The following RSPO3 variants were observed in gnomAD, a reference collection of about 807,000 sequenced individuals.
RSPO3 encodes the protein R-spondin-3.
Under a neutral mutation model 36.5 loss-of-function variants are expected in RSPO3, and 17 were observed. The observed-to-expected ratio is 0.47, with a 90% CI of 0.32 to 0.70. The LOEUF is 0.70. Ranked by LOEUF, RSPO3 falls within the 30% of genes least tolerant of loss-of-function variation. The pLI is 0.04. For missense variants in RSPO3, 294 were observed against 322.5 expected (o/e 0.91, Z 0.68); for synonymous variants, 108 against 107.0 (o/e 1.01, Z -0.06).
intron 1 of RSPO3, among the ~76,000 whole-genome samples, chr6:127,146,276 C>T (rs1774382551): frequency 6.7e-6 from 1 of 150,134 alleles, no homozygotes; most frequent in South Asian, 2.1e-4. Flanking sequence ...TTTTAAAAAC[C>T]CTTGCCTAGG....
chr6:127,178,650 T>C (rs1001064501), intron 4 of RSPO3, among the ~76,000 whole-genome samples: 2 of 151,752 alleles, frequency 1.3e-5, no homozygotes, highest in African/African-American at 4.8e-5. Context: ...GTATATAAAA[T>C]ATATTGTTCT....
At chr6:127,145,588 T>C (rs1189952799) in intron 1 of RSPO3, among the ~76,000 whole-genome samples, 1 of 152,140 alleles carries the variant, frequency 6.6e-6, no homozygotes, top group Non-Finnish European at 1.5e-5. Flanking sequence ...CTCATGCCAG[T>C]CTCCTTCCCA....
At chr6:127,193,758 G>A (rs1323520719) in intron 4 of RSPO3, among the ~76,000 whole-genome samples, 1 of 152,096 alleles carries the variant, frequency 6.6e-6, no homozygotes, top group African/African-American at 2.4e-5. Flanking sequence ...ATTCAAGTCA[G>A]CACATCAAAT....
rs915898017 is a variant in RSPO3, at chr6:127,125,374, G to A, written c.97+6085G>A. On this transcript the variant is annotated intron_variant, in intron 1 of 4. Transcript: ENST00000356698. ...CCTTAGTGTATGTTGGGAGAAGGTA[G>A]ACTCAGAAGTTAAAGACCTGGGTTC... is the stretch of plus-strand genomic sequence containing the variant. Among the ~76,000 whole-genome samples, 3 of 152,168 alleles carry A rather than the reference G, an allele frequency of 2.0e-5. No individual in the cohort carries two copies. The East Asian group carries it at 5.8e-4, about 29-fold the overall frequency.
rs149952090 is a variant in RSPO3 at position 127,190,489 on chromosome 6, A to G, written c.635-5334A>G. On this transcript the variant is annotated intron_variant, in intron 4 of 4. Transcript: ENST00000356698. Reference sequence around the variant, plus strand: ...CTGGAATTTTCATTCTCTATACATAATAATCAGGTCCAATTCCAGATTCAA... The same window carrying G: ...CTGGAATTTTCATTCTCTATACATAGTAATCAGGTCCAATTCCAGATTCAA... 1.4e-3 allele frequency among the ~76,000 whole-genome samples: 219 copies of G among 152,272 alleles called. 1 individual carries two copies. Among genetic ancestry groups the G allele is most frequent in the Non-Finnish European group, 2.1e-3 (143 of 68,026 alleles).
At chr6:127,123,195 T>C (rs1773878340) in intron 1 of RSPO3, among the ~76,000 whole-genome samples, 1 of 152,168 alleles carries the variant, frequency 6.6e-6, no homozygotes, top group South Asian at 2.1e-4. Flanking sequence ...CCCTTTGTGA[T>C]TATGTTGTGA....
chr6:127,182,025 G>A (rs2114633618), intron 4 of RSPO3, among the ~76,000 whole-genome samples: 1 of 152,014 alleles, frequency 6.6e-6, no homozygotes, highest in Admixed American at 6.6e-5. Context: ...AGAAGGAAAA[G>A]GGGAACTGGC....
rs1375216570 is a variant in RSPO3 at position 127,148,704 on chromosome 6, A to G, written c.154A>G (p.Asn52Asp). The G allele has an allele frequency of 6.2e-7, 1 of 1,613,288 alleles. No homozygotes were observed. Among genetic ancestry groups the G allele is most frequent in the Non-Finnish European group, 8.5e-7 (1 of 1,179,478 alleles). ...AGGCTGTGCAACATGCTCAGATTAC[A>G]ATGGATGTTTGTCATGTAAGCCCAG... ...QGGCATCSDY[N>D]GCLSCKPRLF... Residue 52 changes from asparagine to aspartate, a missense_variant, in exon 2 of 5, where the codon AAT (asparagine) becomes GAT (aspartate). Asn to Asp is a conservative substitution (Grantham distance 23). This residue lies in a region of RSPO3 where 43 missense variants were observed against 86.0 expected (regional missense o/e 0.50). Coordinates refer to ENST00000356698, the MANE Select transcript of RSPO3 (RefSeq NM_032784.5).
rs543027573 is a variant in RSPO3, at chr6:127,162,199, T to C, written c.634+6761T>C. Among the ~76,000 whole-genome samples, 4 of 152,280 alleles carry C rather than the reference T, an allele frequency of 2.6e-5. No individual in the cohort carries two copies. The South Asian group carries it at 8.3e-4, about 32-fold the overall frequency. ...ACATTCTGTCAGCCTATACTAGTCA[T>C]AAGCCTAGTCCTGATTCAAGAGTTG... On this transcript the variant is annotated intron_variant, in intron 4 of 4. Transcript: ENST00000356698.
At chr6:127,150,646 C>T (rs3734626) in intron 3 of RSPO3, 74 bp downstream of exon 3, 721,986 of 1,419,940 alleles carry the variant, frequency 0.51, 184,774 homozygotes, top group Non-Finnish European at 0.52. Context: ...AAGTCCTTTG[C>T]CAAAAGAACT....
intron 4 of RSPO3, among the ~76,000 whole-genome samples, chr6:127,174,640 A>C (rs1482478291): frequency 2.3e-5 from 1 of 43,314 alleles, no homozygotes; most frequent in Non-Finnish European, 6.4e-5. Flanking sequence ...GAATGGAACT[A>C]GTCTTACTCT....
At chr6:127,148,250 AT>A in intron 1 of RSPO3, among the ~76,000 whole-genome samples, 1 of 152,166 alleles carries the variant, frequency 6.6e-6, no homozygotes, top group South Asian at 2.1e-4. Context: ...CACTGTGTAA[AT>A]GAGCACAAAA....
chr6:127,167,487 G>A (rs1226644117), intron 4 of RSPO3, among the ~76,000 whole-genome samples: 1 of 151,942 alleles, frequency 6.6e-6, no homozygotes, highest in Non-Finnish European at 1.5e-5. Flanking sequence ...ATTCCATGGT[G>A]TATATGTGCC....
At chr6:127,134,283 G>T (rs528937150) in intron 1 of RSPO3, among the ~76,000 whole-genome samples, 1 of 152,316 alleles carries the variant, frequency 6.6e-6, no homozygotes, top group South Asian at 2.1e-4. Context: ...TTTAAATGTA[G>T]TTAGCATTTT....
At chr6:127,150,289 G>C in intron 2 of RSPO3, 137 bp from the exon 3 acceptor site, 4 of 723,752 alleles carry the variant, frequency 5.5e-6, no homozygotes, top group Non-Finnish European at 8.8e-6. Flanking sequence ...CGTGAATTCA[G>C]TCTGGCAAAA....
intron 4 of RSPO3, among the ~76,000 whole-genome samples, chr6:127,164,135 A>G (rs77608057): frequency 0.025 from 3,743 of 152,054 alleles, 132 homozygotes; most frequent in African/African-American, 0.083. Context: ...CCTGCATCCA[A>G]TCTCACGAAA....
In RSPO3 at chr6:127,197,425, G is replaced by A; in HGVS notation, c.*1418G>A. 1.3e-6 allele frequency: 2 copies of A among 1,550,364 alleles called. No homozygotes were observed. The highest frequency in any genetic ancestry group is 1.7e-6 in the Non-Finnish European group (2 of 1,146,924). ...TATTTTCTATCTGTGGATCTCTTTA[G>A]GGGATTGAAGTCACCCTAGCTGAAG... On this transcript the variant is annotated 3_prime_UTR_variant, in exon 5 of 5. Transcript: ENST00000356698.
intron 1 of RSPO3, among the ~76,000 whole-genome samples, chr6:127,119,617 C>A (rs1410353619): frequency 6.6e-6 from 1 of 152,224 alleles, no homozygotes; most frequent in Non-Finnish European, 1.5e-5. Context: ...TTTTGAGGAT[C>A]GGACAGGGGC....
At chr6:127,153,121 C>T (rs1774523408) in intron 3 of RSPO3, among the ~76,000 whole-genome samples, 1 of 152,088 alleles carries the variant, frequency 6.6e-6, no homozygotes, top group South Asian at 2.1e-4. Context: ...GAGCTCATTA[C>T]CTTTATGAGA....
Sources: gnomAD v4.1 joint callset for allele counts (sites outside exome capture counted in the v4.1 genomes callset) on GRCh38, gnomAD v4.1.1 for gene constraint, gnomAD v4.1.1 regional missense constraint, MANE v1.5 for transcripts, NCBI Gene and HGNC (gene_info 2026-07-23, HGNC 2026-07-21) for gene names.